Variants in EPHA7 observed in about 807,000 individuals in gnomAD.
EPHA7 encodes EPH receptor A7.
Under a neutral mutation model 112.6 loss-of-function variants are expected in EPHA7, and 25 were observed. The ratio of observed to expected loss-of-function variants is 0.22; its 90% CI spans 0.16 to 0.31. EPHA7 has a LOEUF of 0.31. EPHA7 is among the 10% of genes least tolerant of loss of function. The probability of loss-of-function intolerance (pLI) is 1.00; values close to 1 mark genes in which losing one functional copy is unlikely to be tolerated. For synonymous variants in EPHA7, 437 were observed against 406.5 expected (o/e 1.07, Z -0.90); for missense variants, 962 against 1,212.6 (o/e 0.79, Z 3.07).
chr6:93,410,607 C>T lies in EPHA7; in HGVS notation c.726G>A (p.Ala242=), dbSNP rs148725762. 2.1e-5 allele frequency: 34 copies of T among 1,613,868 alleles called. No individual in the cohort carries two copies. Among genetic ancestry groups the T allele is most frequent in the Non-Finnish European group, 2.1e-5 (25 of 1,179,964 alleles). ...GTCVSSAEEE[A]ENAPRMHCSA... ...TGCAGTGCATCCTGGGGGCGTTTTC[C>T]GCTTCTTCCTCTGCACTGCTGACAC... The change falls in exon 3 of 17, where the codon GCG becomes GCA. Residue 242 remains alanine (A), a synonymous_variant. Transcript: ENST00000369303. The surrounding 1 kb of genome is among the most constrained non-coding windows in gnomAD (Gnocchi z 4.0).
chr6:93,244,431 G>A (rs1467830396), intron 16 of EPHA7, among the ~76,000 whole-genome samples: 3 of 152,026 alleles, frequency 2.0e-5, no homozygotes, highest in African/African-American at 4.8e-5. Context: ...TTGGAAAAAC[G>A]ATGACAGTAC....
chr6:93,391,968 G>A (rs181853363), intron 3 of EPHA7, among the ~76,000 whole-genome samples: 55 of 151,772 alleles, frequency 3.6e-4, no homozygotes, highest in Admixed American at 2.0e-3. Context: ...ATCAGACAGC[G>A]TTAGACTCAA....
chr6:93,292,437 CCTG>C (rs1453225847), intron 5 of EPHA7, among the ~76,000 whole-genome samples: 1 of 151,880 alleles, frequency 6.6e-6, no homozygotes, highest in Non-Finnish European at 1.5e-5. Flanking sequence ...TTATGGGAAA[CCTG>C]ATGATTTAGG....
chr6:93,406,965 CAATA>C lies in EPHA7; in HGVS notation c.832+3532_832+3535del, dbSNP rs200938646. Among the ~76,000 whole-genome samples, 644 of 151,690 alleles carry C rather than the reference CAATA, an allele frequency of 4.2e-3. 8 individuals carry two copies. Among genetic ancestry groups the C allele is most frequent in the African/African-American group, 0.014 (599 of 41,396 alleles). ...ATAACTTGTAAATTTTAAAAAATGA[CAATA>C]AAAGTATACTAAATGAAATTATAAA... On this transcript the variant is annotated intron_variant, in intron 3 of 16. Transcript: ENST00000369303.
rs374000222 is a variant in EPHA7, at chr6:93,393,341, C to G, written c.832+17160G>C. Among the ~76,000 whole-genome samples the G allele has an allele frequency of 3.6e-4, 55 of 151,844 alleles. 1 individual carries two copies. The highest frequency in any genetic ancestry group is 1.3e-3 in the African/African-American group (52 of 41,494). On this transcript the variant is annotated intron_variant, in intron 3 of 16. Coordinates refer to ENST00000369303, the MANE Select transcript of EPHA7 (RefSeq NM_004440.4). ...TATAAATCAGTATCATATGTAAATA[C>G]AGTACCTAAATAATCTTGAGTGATG...
At chr6:93,292,243 C>T (rs960153425) in intron 5 of EPHA7, among the ~76,000 whole-genome samples, 5 of 152,118 alleles carry the variant, frequency 3.3e-5, no homozygotes, top group Admixed American at 1.3e-4. Flanking sequence ...CAACTTATTA[C>T]TTTTATTTTT....
At chr6:93,243,681 C>A (rs1769782374) in intron 16 of EPHA7, 141 bp from the exon 17 acceptor site, 10 of 606,920 alleles carry the variant, frequency 1.6e-5, no homozygotes, top group East Asian at 2.8e-5. Flanking sequence ...ATGATCACAC[C>A]CCTGCAGCAG....
chr6:93,256,177 T>C, intron 12 of EPHA7, 140 bp from the exon 13 acceptor site: 4 of 661,838 alleles, frequency 6.0e-6, no homozygotes, highest in Non-Finnish European at 1.0e-5. Context: ...TGGATACCTG[T>C]GGAAAAAAAT....
At chr6:93,382,851 G>C (rs546684648) in intron 3 of EPHA7, among the ~76,000 whole-genome samples, 1 of 152,176 alleles carries the variant, frequency 6.6e-6, no homozygotes, top group African/African-American at 2.4e-5. Context: ...ATTTTCAAAA[G>C]GTATCACTAC....
rs374655405 is a variant in EPHA7 at position 93,332,091 on chromosome 6, T to C, written c.1324+24626A>G. On this transcript the variant is annotated intron_variant, in intron 5 of 16. Coordinates refer to ENST00000369303, the MANE Select transcript of EPHA7 (RefSeq NM_004440.4). ...CAGGTACTTGACTTTTGATAAGACT[T>C]TTAGTAATAGCACTTGTTTAAAAAT... Among the ~76,000 whole-genome samples, 12 of 151,770 alleles carry C rather than the reference T, an allele frequency of 7.9e-5. No homozygotes were observed. In the South Asian group the frequency reaches 8.3e-4, roughly 10 times the overall value.
chr6:93,268,453 ATTAAT>A (rs1399834734), intron 7 of EPHA7, among the ~76,000 whole-genome samples: 1 of 151,832 alleles, frequency 6.6e-6, no homozygotes, highest in Non-Finnish European at 1.5e-5. Context: ...TAATCAAAAT[ATTAAT>A]TTAATTTGTT....
chr6:93,350,666 G>C (rs1416263924), intron 5 of EPHA7, among the ~76,000 whole-genome samples: 1 of 151,916 alleles, frequency 6.6e-6, no homozygotes, highest in African/African-American at 2.4e-5. Context: ...ACACCCTGAT[G>C]GCAGATTCTT....
intron 5 of EPHA7, among the ~76,000 whole-genome samples, chr6:93,342,149 G>T (rs190369192): frequency 6.6e-6 from 1 of 151,914 alleles, no homozygotes; most frequent in East Asian, 1.9e-4. Context: ...ATTATTCATT[G>T]CTGATGGATC....
chr6:93,414,915 CT>C, intron 1 of EPHA7, 148 bp from the exon 2 acceptor site: 1 of 618,260 alleles, frequency 1.6e-6, no homozygotes, highest in Non-Finnish European at 2.8e-6. Flanking sequence ...AATGAACACC[CT>C]CCTGATACAT....
chr6:93,303,524 T>G (rs1773100048), intron 5 of EPHA7, among the ~76,000 whole-genome samples: 1 of 152,152 alleles, frequency 6.6e-6, no homozygotes, highest in African/African-American at 2.4e-5. Context: ...TGTTTGTTGA[T>G]GGCTGCATTT....
Position 93,240,061 on chromosome 6 carries a change from C to T in EPHA7, c.*3365G>A, listed in dbSNP as rs1324258949. ...TAATAGACTTGTTTATTATTTTAAG[C>T]TGGTAAAAAGAGACTTATGATTCAT... On this transcript the variant is annotated 3_prime_UTR_variant, in exon 17 of 17. Coordinates refer to ENST00000369303, the MANE Select transcript of EPHA7 (RefSeq NM_004440.4). 6 of 218,500 alleles carry T rather than the reference C, an allele frequency of 2.7e-5. No individual in the cohort carries two copies. The highest frequency in any genetic ancestry group is 1.1e-4 in the African/African-American group (5 of 44,552). The allele number at this position is 218,500 out of a possible 1,614,324, so 13.5% of individuals were successfully genotyped here.
Position 93,392,609 on chromosome 6 carries a change from T to C in EPHA7, c.832+17892A>G, listed in dbSNP as rs73532376. ...AAAAGTGCATACTATCCATTTACCT[T>C]ATTTTTCTACAAGTAATTCCTTAAA... On this transcript the variant is annotated intron_variant, in intron 3 of 16. Transcript: ENST00000369303. Among the ~76,000 whole-genome samples the C allele has an allele frequency of 8.0e-3, 1,215 of 152,106 alleles. 16 individuals are homozygous for C. The highest frequency in any genetic ancestry group is 0.027 in the African/African-American group (1,111 of 41,550).
intron 5 of EPHA7, among the ~76,000 whole-genome samples, chr6:93,296,794 A>G (rs1772695976): frequency 6.6e-6 from 1 of 151,920 alleles, no homozygotes; most frequent in Admixed American, 6.6e-5. Flanking sequence ...GAAAAACACT[A>G]AACCTTAAAC....
At chr6:93,333,238 G>A (rs894844667) in intron 5 of EPHA7, among the ~76,000 whole-genome samples, 2 of 151,750 alleles carry the variant, frequency 1.3e-5, no homozygotes, top group Admixed American at 6.6e-5. Context: ...AGGCTATGTA[G>A]TATTCCATGG....
Sources: gnomAD v4.1 joint callset for allele counts (sites outside exome capture counted in the v4.1 genomes callset) on GRCh38, gnomAD v4.1.1 for gene constraint, Gnocchi (gnomAD v3.1) non-coding constraint, MANE v1.5 for transcripts, NCBI Gene and HGNC (gene_info 2026-07-23, HGNC 2026-07-21) for gene names.